The following NTNG2 variants were observed in gnomAD, a reference collection of about 807,000 sequenced individuals.
The protein encoded by NTNG2 is netrin G2.
Under a neutral mutation model 47.6 loss-of-function variants are expected in NTNG2, and 15 were observed. The ratio of observed to expected loss-of-function variants is 0.32; its 90% CI spans 0.21 to 0.49. NTNG2 has a LOEUF of 0.49. Among genes scored for constraint, NTNG2 ranks in the 20% least tolerant of loss-of-function variants. The pLI is 0.99. For missense variants in NTNG2, 578 were observed against 764.6 expected (o/e 0.76, Z 2.88); for synonymous variants, 307 against 324.6 (o/e 0.95, Z 0.58).
chr9:132,229,840 T>C (rs533301423), intron 4 of NTNG2, among the ~76,000 whole-genome samples: 31 of 152,328 alleles, frequency 2.0e-4, no homozygotes, highest in African/African-American at 6.7e-4. Context: ...CACCAGCTCC[T>C]TCCTTTTGCA....
At chr9:132,223,294 C>G (rs1840484385) in intron 3 of NTNG2, among the ~76,000 whole-genome samples, 1 of 152,194 alleles carries the variant, frequency 6.6e-6, no homozygotes, top group African/African-American at 2.4e-5. Flanking sequence ...TTTCCCCACC[C>G]AGATCCTTGC....
chr9:132,165,729 G>C (rs1835463799), intron 1 of NTNG2, among the ~76,000 whole-genome samples: 1 of 152,156 alleles, frequency 6.6e-6, no homozygotes, highest in Non-Finnish European at 1.5e-5. Flanking sequence ...TTGGCTCCTG[G>C]GGATGCTTTT....
chr9:132,165,964 T>C (rs1835483202), intron 1 of NTNG2: 1 of 152,232 alleles, frequency 6.6e-6, no homozygotes, highest in Non-Finnish European at 1.5e-5. Flanking sequence ...TCTCCCCCTC[T>C]TTAATTTGTT....
rs1191683478 is a variant in NTNG2 at position 132,198,034 on chromosome 9, C to T, written c.282C>T (p.Leu94=). Residue 94 remains leucine (L), a synonymous_variant, in exon 3 of 8, where the codon CTC becomes CTT. Coordinates refer to ENST00000393229, the MANE Select transcript of NTNG2 (RefSeq NM_032536.4). ...CGGACCTGGCCCACCCGCCCAGGCT[C>T]ATGTTCGACAAGGAGGAGGAGGGCC... ...SNPDLAHPPR[L]MFDKEEEGLA... is the part of the protein sequence containing the mutation. The T allele has an allele frequency of 1.9e-6, 3 of 1,613,708 alleles. No homozygotes were observed. The highest frequency in any genetic ancestry group is 2.2e-5 in the East Asian group (1 of 44,868).
chr9:132,188,462 G>A (rs539025357), intron 2 of NTNG2, among the ~76,000 whole-genome samples: 1 of 152,278 alleles, frequency 6.6e-6, no homozygotes, highest in African/African-American at 2.4e-5. Flanking sequence ...GCCATCCCCT[G>A]GCTTCTTATC....
chr9:132,207,992 T>C (rs771544626), intron 3 of NTNG2, among the ~76,000 whole-genome samples: 11 of 152,052 alleles, frequency 7.2e-5, no homozygotes, highest in Non-Finnish European at 1.3e-4. Flanking sequence ...TGGTCTCAGA[T>C]ACCTGGGAGG....
chr9:132,165,026 T>C (rs892101680), intron 1 of NTNG2, among the ~76,000 whole-genome samples: 1 of 152,246 alleles, frequency 6.6e-6, no homozygotes, highest in Non-Finnish European at 1.5e-5. Context: ...GTGAAGAGGA[T>C]GTCAGGGGAG....
intron 2 of NTNG2, among the ~76,000 whole-genome samples, chr9:132,187,172 C>G (rs1837456214): frequency 6.6e-6 from 1 of 152,244 alleles, no homozygotes; most frequent in African/African-American, 2.4e-5. Flanking sequence ...GGGGGAGGAG[C>G]AGGGGCGGTC....
rs368565380 is a variant in NTNG2 at position 132,197,699 on chromosome 9, G to T, written c.214-267G>T. On this transcript the variant is annotated intron_variant, in intron 2 of 7. Coordinates refer to ENST00000393229, the MANE Select transcript of NTNG2 (RefSeq NM_032536.4). The surrounding 1 kb of genome is among the most constrained non-coding windows in gnomAD (Gnocchi z 4.3). ...GAGCCATGGAGGGCTTCAAAGCAGG[G>T]GACTAACACCCAGCCTTCTTGGTTG... is the stretch of plus-strand genomic sequence containing the variant. 6.6e-6 allele frequency among the ~76,000 whole-genome samples: 1 copy of T among 152,158 alleles called. No homozygotes were observed. Among genetic ancestry groups the T allele is most frequent in the Non-Finnish European group, 1.5e-5 (1 of 68,036 alleles).
In NTNG2 at chr9:132,208,176, T is replaced by C. The variant is rs1040826144; in HGVS notation, c.857+9567T>C. 5.3e-5 allele frequency among the ~76,000 whole-genome samples: 8 copies of C among 151,232 alleles called. No individual in the cohort carries two copies. Among genetic ancestry groups the C allele is most frequent in the Non-Finnish European group, 1.5e-5 (1 of 67,820 alleles). ...TGGACCCAGGGGTCAGGGAAGGCCC[T>C]CCAGGGAGGGGGGCTTTGAAGGAGA... On this transcript the variant is annotated intron_variant, in intron 3 of 7. Transcript: ENST00000393229. This position sits in a 1 kb window ranked among gnomAD's most constrained non-coding sequence, Gnocchi z 4.0.
intron 2 of NTNG2, among the ~76,000 whole-genome samples, chr9:132,188,079 G>A (rs998640095): frequency 3.3e-5 from 5 of 152,246 alleles, no homozygotes; most frequent in African/African-American, 1.2e-4. Flanking sequence ...GGTTTCCCCC[G>A]AAATGGCAGA....
At position 132,167,674 on chromosome 9, in the gene NTNG2, G is replaced by A. The variant is rs1835597477; in HGVS notation, c.213+630G>A. On this transcript the variant is annotated intron_variant, in intron 2 of 7. Coordinates refer to ENST00000393229, the MANE Select transcript of NTNG2 (RefSeq NM_032536.4). ...ATGATGGCAGCCCCTGGGTAAGTCG[G>A]GGGAAGGCAGACATTCAGGCGTTGT... is the stretch of plus-strand genomic sequence containing the variant. Among the ~76,000 whole-genome samples, 4 of 152,168 alleles carry A rather than the reference G, an allele frequency of 2.6e-5. No individual in the cohort carries two copies. The South Asian group carries it at 8.3e-4, about 31-fold the overall frequency.
chr9:132,168,106 G>A (rs909461851), intron 2 of NTNG2, among the ~76,000 whole-genome samples: 4 of 152,248 alleles, frequency 2.6e-5, no homozygotes, highest in Non-Finnish European at 5.9e-5. Flanking sequence ...TGGGGTAACT[G>A]AGGCAGCCCA....
rs558989714 is a variant in NTNG2, at chr9:132,220,990, A to G, written c.858-5859A>G. On this transcript the variant is annotated intron_variant, in intron 3 of 7. Transcript: ENST00000393229. The stretch of plus-strand genomic sequence containing the variant: ...TGACATTAAAAAAAACATACTGTGT[A>G]TTCAAAAACAAATAATAGCCTGTAG... 5.9e-5 allele frequency among the ~76,000 whole-genome samples: 9 copies of G among 152,294 alleles called. No individual in the cohort carries two copies. The East Asian group carries it at 1.7e-3, about 29-fold the overall frequency.
intron 7 of NTNG2, 75 bp from the exon 8 acceptor site, chr9:132,241,801 C>T: frequency 8.4e-7 from 1 of 1,185,928 alleles, no homozygotes; most frequent in Non-Finnish European, 1.2e-6. Context: ...TCTCGCACAC[C>T]CTGCTTCGCA....
intron 3 of NTNG2, among the ~76,000 whole-genome samples, chr9:132,216,412 CTCTGTGTGTGTGTGTATG>C (rs1321200901): frequency 9.2e-4 from 84 of 91,018 alleles, no homozygotes; most frequent in African/African-American, 1.4e-3. Flanking sequence ...CTCTCTCTCT[CTCTGTGTGTGTGTGTATG>C]TGTGTGTGTG....
chr9:132,239,379 CTG>C (rs962819788), intron 6 of NTNG2, 108 bp downstream of exon 6: 15 of 1,069,750 alleles, frequency 1.4e-5, no homozygotes, highest in East Asian at 2.5e-5. Context: ...CCTGGGGAGA[CTG>C]TGGGAATTCT....
intron 2 of NTNG2, among the ~76,000 whole-genome samples, chr9:132,175,207 T>A (rs968635558): frequency 6.6e-6 from 1 of 152,102 alleles, no homozygotes; most frequent in African/African-American, 2.4e-5. Flanking sequence ...CCCCTGTAGG[T>A]CTGTTACTGT....
At chr9:132,213,331 CAAAAAA>C (rs61393543) in intron 3 of NTNG2, among the ~76,000 whole-genome samples, 1 of 104,404 alleles carries the variant, frequency 9.6e-6, no homozygotes, top group African/African-American at 3.1e-5. Context: ...GACTCCATCT[CAAAAAA>C]AAAAAAAAAA....
Sources: gnomAD v4.1 joint callset for allele counts (sites outside exome capture counted in the v4.1 genomes callset) on GRCh38, gnomAD v4.1.1 for gene constraint, Gnocchi (gnomAD v3.1) non-coding constraint, MANE v1.5 for transcripts, NCBI Gene and HGNC (gene_info 2026-07-23, HGNC 2026-07-21) for gene names.